KIAA0513: variants seen among roughly 807,000 people sequenced by gnomAD.
The protein encoded by KIAA0513 is KIAA0513.
A neutral mutation model predicts 56.5 loss-of-function variants in KIAA0513; 39 were observed. The ratio of observed to expected loss-of-function variants is 0.69; its 90% confidence interval spans 0.53 to 0.90. KIAA0513 has a LOEUF of 0.90. Ranked by LOEUF, KIAA0513 falls within the 40% of genes least tolerant of loss-of-function variation. The pLI is 0.00. For synonymous variants in KIAA0513, 268 were observed against 215.6 expected, an observed-to-expected ratio of 1.24 and a Z score of -2.13; for missense variants, 591 against 535.2, an observed-to-expected ratio of 1.10 and a Z score of -1.03.
chr16:85,037,330 C>T (rs754605279), intron 1 of KIAA0513, among the ~76,000 whole-genome samples: 3 of 152,168 alleles, frequency 2.0e-5, no homozygotes, highest in East Asian at 1.9e-4. Flanking sequence ...TGCGTGTGGA[C>T]GGCTGCTGTG....
chr16:85,085,066 C>T (rs376120631), intron 10 of KIAA0513, among the ~76,000 whole-genome samples: 3 of 152,216 alleles, frequency 2.0e-5, no homozygotes, highest in African/African-American at 7.2e-5. Flanking sequence ...GAGACGTTCC[C>T]GTGTGGTCTG....
chr16:85,072,345 A>T (rs2073589690), intron 3 of KIAA0513, among the ~76,000 whole-genome samples: 1 of 152,258 alleles, frequency 6.6e-6, no homozygotes, highest in Non-Finnish European at 1.5e-5. Context: ...ATGTGCGTGC[A>T]TATTTTTATT....
chr16:85,057,757 C>CT lies in KIAA0513; in HGVS notation c.-172-9138dup, dbSNP rs1460366309. 6.8e-3 allele frequency among the ~76,000 whole-genome samples: 998 copies of CT among 147,580 alleles called. 19 individuals are homozygous for CT. Among genetic ancestry groups the CT allele is most frequent in the African/African-American group, 0.025 (947 of 37,844 alleles). On this transcript the variant is annotated intron_variant, in intron 1 of 12. Coordinates refer to ENST00000683363, the MANE Select transcript of KIAA0513 (RefSeq NM_001388359.1). ...ATCTCCACTGGAGAGGCTGCCTCTG[C>CT]TTTTTGTTTTTGTTTTTTTTTTTTT...
Position 85,077,465 on chromosome 16 carries a change from C to T in KIAA0513, c.615C>T (p.Pro205=), listed in dbSNP as rs370183506. 2.9e-5 allele frequency: 47 copies of T among 1,614,102 alleles called. No individual in the cohort carries two copies. The African/African-American group carries it at 4.0e-4, about 14-fold the overall frequency. Residue 205 remains proline, a synonymous_variant, in exon 6 of 13, where the codon CCC becomes CCT. Coordinates refer to ENST00000683363, the MANE Select transcript of KIAA0513 (RefSeq NM_001388359.1). ...TGCCCCCGGAGTCCCGGGAGAAGCC[C>T]GCGGGCAGCATCGACTCCTACCTGA... ...QLLPPESREK[P]AGSIDSYLKS... is the part of the protein sequence containing the mutation.
At chr16:85,028,608 G>A (rs62048413) in intron 1 of KIAA0513, among the ~76,000 whole-genome samples, 3,691 of 152,198 alleles carry the variant, frequency 0.024, 139 homozygotes, top group African/African-American at 0.078. Flanking sequence ...CTGGAGCTGG[G>A]TGCGTGCCCC....
At chr16:85,071,688 T>G in intron 2 of KIAA0513, 95 bp from the exon 3 acceptor site, 1 of 1,025,754 alleles carries the variant, frequency 9.7e-7, no homozygotes, top group Non-Finnish European at 1.4e-6. Flanking sequence ...TGGGGAATAT[T>G]TCGTTAGTTC....
At chr16:85,042,906 CT>C (rs1333256142) in intron 1 of KIAA0513, among the ~76,000 whole-genome samples, 1 of 152,164 alleles carries the variant, frequency 6.6e-6, no homozygotes, top group African/African-American at 2.4e-5. Flanking sequence ...TTTGAAATGT[CT>C]GAAATTGCCA....
intron 10 of KIAA0513, among the ~76,000 whole-genome samples, chr16:85,085,164 G>A (rs1391147243): frequency 6.6e-6 from 1 of 152,226 alleles, no homozygotes; most frequent in Non-Finnish European, 1.5e-5. Context: ...CCCTCAGGGT[G>A]GCTGTTTCGG....
intron 2 of KIAA0513, among the ~76,000 whole-genome samples, chr16:85,068,918 C>T (rs1034797116): frequency 2.6e-5 from 4 of 152,096 alleles, no homozygotes; most frequent in Non-Finnish European, 4.4e-5. Context: ...CTCCCTAGCG[C>T]TCCTTGTCAC....
intron 1 of KIAA0513, among the ~76,000 whole-genome samples, chr16:85,065,461 G>T (rs1035340634): frequency 1.3e-5 from 2 of 152,166 alleles, no homozygotes; most frequent in Non-Finnish European, 2.9e-5. Context: ...CTTGCTTTGC[G>T]GGGCTCCCCT....
Position 85,077,457 on chromosome 16 carries a change from G to C in KIAA0513, c.607G>C (p.Glu203Gln). 2 of 1,614,138 alleles carry C rather than the reference G, an allele frequency of 1.2e-6. No individual in the cohort carries two copies. Among genetic ancestry groups the C allele is most frequent in the Non-Finnish European group, 1.7e-6 (2 of 1,180,026 alleles). ...KPQLLPPESR[E>Q]KPAGSIDSYL... ...ACAGCTGCTGCCCCCGGAGTCCCGG[G>C]AGAAGCCCGCGGGCAGCATCGACTC... The change falls in exon 6 of 13, where the codon GAG (glutamate) becomes CAG (glutamine). Residue 203 changes from glutamate to glutamine, a missense_variant. Glu to Gln is a conservative substitution (Grantham distance 29, BLOSUM62 2). Coordinates refer to ENST00000683363, the MANE Select transcript of KIAA0513 (RefSeq NM_001388359.1).
intron 1 of KIAA0513, among the ~76,000 whole-genome samples, chr16:85,056,312 C>G (rs1434990422): frequency 6.6e-6 from 1 of 152,242 alleles, no homozygotes; most frequent in Non-Finnish European, 1.5e-5. Flanking sequence ...CCGAGGCCCC[C>G]TCTCAACACC....
At chr16:85,050,886 T>A (rs1487928232) in intron 1 of KIAA0513, among the ~76,000 whole-genome samples, 3 of 152,186 alleles carry the variant, frequency 2.0e-5, no homozygotes, top group Non-Finnish European at 4.4e-5. Context: ...CCAGGTGCAC[T>A]GGTTCATGCC....
At chr16:85,039,101 T>A (rs1389997641) in intron 1 of KIAA0513, among the ~76,000 whole-genome samples, 1 of 152,252 alleles carries the variant, frequency 6.6e-6, no homozygotes, top group Non-Finnish European at 1.5e-5. Flanking sequence ...GCACTGTAGA[T>A]GCTCAATAAT....
At chr16:85,028,622 C>T (rs549096047) in intron 1 of KIAA0513, among the ~76,000 whole-genome samples, 39 of 151,962 alleles carry the variant, frequency 2.6e-4, no homozygotes, top group African/African-American at 6.5e-4. Context: ...GTGCCCCCCA[C>T]CCCCGCCCTT....
chr16:85,056,957 A>C (rs1047684575), intron 1 of KIAA0513, among the ~76,000 whole-genome samples: 4 of 152,178 alleles, frequency 2.6e-5, no homozygotes, highest in African/African-American at 7.2e-5. Flanking sequence ...CTCCTGCCTC[A>C]GCCTCCCAAA....
intron 1 of KIAA0513, 164 bp from the exon 2 acceptor site, chr16:85,066,736 C>G (rs2073487051): frequency 7.5e-6 from 2 of 266,696 alleles, no homozygotes; most frequent in African/African-American, 4.4e-5. Context: ...GAGGACCTAC[C>G]ATGGACCAGG....
intron 1 of KIAA0513, among the ~76,000 whole-genome samples, chr16:85,036,985 A>G (rs1030911063): frequency 6.6e-6 from 1 of 152,100 alleles, no homozygotes; most frequent in African/African-American, 2.4e-5. Flanking sequence ...CTGCCTCTAA[A>G]TATCAGAAAT....
chr16:85,064,027 G>T (rs1441037376), intron 1 of KIAA0513, among the ~76,000 whole-genome samples: 8 of 129,032 alleles, frequency 6.2e-5, no homozygotes, highest in Admixed American at 4.7e-4. Context: ...TTTTTTTGAG[G>T]TGGAGACTTG....
Sources: allele counts gnomAD v4.1 joint callset (sites outside exome capture counted in the v4.1 genomes callset), GRCh38; gene constraint gnomAD v4.1.1; transcripts MANE v1.5; gene names NCBI Gene and HGNC (gene_info 2026-07-23, HGNC 2026-07-21).